Variants in OLFM4 observed in about 807,000 individuals in gnomAD.
OLFM4 encodes the protein olfactomedin-4.
Under a neutral mutation model 25.5 loss-of-function variants are expected in OLFM4, and 22 were observed. The ratio of observed to expected loss-of-function variants is 0.86; its 90% CI spans 0.62 to 1.23. The LOEUF is 1.23. OLFM4 is among the 50% of genes most tolerant of loss of function. The probability of loss-of-function intolerance (pLI) is 0.00; values close to 1 mark genes in which losing one functional copy is unlikely to be tolerated. For synonymous variants in OLFM4, 255 were observed against 237.7 expected (o/e 1.07, Z -0.67); for missense variants, 594 against 619.4 (o/e 0.96, Z 0.44).
At chr13:53,047,510 C>G (rs1412120226) in intron 4 of OLFM4, among the ~76,000 whole-genome samples, 1 of 152,040 alleles carries the variant, frequency 6.6e-6, no homozygotes, top group Non-Finnish European at 1.5e-5. Flanking sequence ...AGCCGGGGCC[C>G]TAAAAATAGC....
intron 4 of OLFM4, among the ~76,000 whole-genome samples, chr13:53,045,215 T>G (rs1954709854): frequency 6.6e-6 from 1 of 152,022 alleles, no homozygotes. Context: ...CCTGTTGGGT[T>G]GTTTTTGTTG....
intron 1 of OLFM4, among the ~76,000 whole-genome samples, chr13:53,029,951 G>A (rs556606729): frequency 9.2e-5 from 14 of 152,024 alleles, no homozygotes; most frequent in Admixed American, 3.9e-4. Context: ...GCCTTTCTGC[G>A]GGAACCCCAC....
intron 2 of OLFM4, among the ~76,000 whole-genome samples, chr13:53,037,007 A>G (rs1316889274): frequency 1.3e-5 from 2 of 152,200 alleles, no homozygotes; most frequent in Non-Finnish European, 1.5e-5. Flanking sequence ...CTTCAAATCC[A>G]AAGTTATCCC....
intron 4 of OLFM4, 31 bp downstream of exon 4, chr13:53,043,295 G>T: frequency 6.4e-7 from 1 of 1,555,816 alleles, no homozygotes; most frequent in Non-Finnish European, 8.7e-7. Flanking sequence ...AACCACTTGT[G>T]CCAGACCCCA....
At chr13:53,049,277 C>T (rs564367042) in intron 4 of OLFM4, among the ~76,000 whole-genome samples, 1 of 152,252 alleles carries the variant, frequency 6.6e-6, no homozygotes, top group Non-Finnish European at 1.5e-5. Flanking sequence ...GGCAATGTTG[C>T]CCCAAAATAA....
At chr13:53,037,167 G>A (rs1954663412) in intron 2 of OLFM4, among the ~76,000 whole-genome samples, 1 of 152,214 alleles carries the variant, frequency 6.6e-6, no homozygotes. Flanking sequence ...TTGATTCATT[G>A]TCTGTCAGTA....
At chr13:53,032,272 G>A (rs956612267) in intron 1 of OLFM4, among the ~76,000 whole-genome samples, 2 of 152,176 alleles carry the variant, frequency 1.3e-5, no homozygotes, top group Non-Finnish European at 2.9e-5. Context: ...GAATTTTTCA[G>A]AGAACTCTGA....
chr13:53,043,377 T>TG, intron 4 of OLFM4, 113 bp downstream of exon 4: 1 of 888,284 alleles, frequency 1.1e-6, no homozygotes, highest in Admixed American at 3.3e-5. Flanking sequence ...GGTTGTTTTT[T>TG]TTTTTTTTTT....
chr13:53,050,834 T>C lies in OLFM4; in HGVS notation c.*63T>C, dbSNP rs1364513702. On this transcript the variant is annotated 3_prime_UTR_variant, in exon 5 of 5. Coordinates refer to ENST00000219022, the MANE Select transcript of OLFM4 (RefSeq NM_006418.5). Reference sequence around the variant, plus strand: ...TGAAAAAATAGTCTTCTCCACTTACTTAGATATCTGCAGGGGTGTCTAAAA... The same window carrying C: ...TGAAAAAATAGTCTTCTCCACTTACCTAGATATCTGCAGGGGTGTCTAAAA... 1.4e-6 allele frequency: 2 copies of C among 1,401,980 alleles called. No individual in the cohort carries two copies. Among genetic ancestry groups the C allele is most frequent in the East Asian group, 4.6e-5 (2 of 43,762 alleles). The allele number at this position is 1,401,980 out of a possible 1,614,324, so 86.8% of individuals were successfully genotyped here.
intron 1 of OLFM4, among the ~76,000 whole-genome samples, chr13:53,030,987 A>T (rs140777947): frequency 1.3e-5 from 2 of 152,352 alleles, no homozygotes; most frequent in East Asian, 3.9e-4. Flanking sequence ...ATGAAGCTCC[A>T]TCACCAGTCA....
intron 2 of OLFM4, among the ~76,000 whole-genome samples, chr13:53,039,372 CAG>C (rs1491346414): frequency 6.6e-6 from 1 of 152,150 alleles, no homozygotes; most frequent in African/African-American, 2.4e-5. Flanking sequence ...GTGCACTTCT[CAG>C]GGGGACTTGT....
chr13:53,041,875 A>G (rs1954688437), intron 2 of OLFM4, 35 bp from the exon 3 acceptor site: 1 of 1,493,808 alleles, frequency 6.7e-7, no homozygotes, highest in Non-Finnish European at 9.3e-7. Flanking sequence ...GATACTACTC[A>G]GGGAATTGGC....
At chr13:53,039,396 T>C (rs1372515419) in intron 2 of OLFM4, among the ~76,000 whole-genome samples, 3 of 152,190 alleles carry the variant, frequency 2.0e-5, no homozygotes, top group East Asian at 3.8e-4. Context: ...AGGTTTTATA[T>C]ATAGTGAGCC....
At chr13:53,032,133 C>CT (rs1477347235) in intron 1 of OLFM4, among the ~76,000 whole-genome samples, 1 of 152,190 alleles carries the variant, frequency 6.6e-6, no homozygotes, top group African/African-American at 2.4e-5. Context: ...GATGGAATGG[C>CT]TGACAGCAGG....
At chr13:53,029,262 G>A (rs1954615437) in intron 1 of OLFM4, among the ~76,000 whole-genome samples, 1 of 152,170 alleles carries the variant, frequency 6.6e-6, no homozygotes, top group African/African-American at 2.4e-5. Context: ...GGACTTTTGG[G>A]AATATCTATG....
Position 53,049,996 on chromosome 13 carries a change from ACAT to A in OLFM4, c.761_763del (p.Ile254del). 1 of 1,609,770 alleles carries A rather than the reference ACAT, an allele frequency of 6.2e-7. No homozygotes were observed. The highest frequency in any genetic ancestry group is 8.5e-7 in the Non-Finnish European group (1 of 1,176,362). On this transcript the variant is annotated inframe_deletion, in exon 5 of 5. Transcript: ENST00000219022. ...AGCTGTGGTCATGGTGGTGTGGTGA[ACAT>A]CAGCAAACCGTCTGTGGTTCAGCTC...
rs775118318 is a variant in OLFM4 at position 53,050,677 on chromosome 13, G to A, written c.1439G>A (p.Ser480Asn). ...VMHKMQEKVQSINYNPFDQKL... is the reference protein window; with the variant it reads ...VMHKMQEKVQNINYNPFDQKL... ...CATAAGATGCAGGAAAAAGTGCAGA[G>A]CATTAACTATAACCCTTTTGACCAG... Residue 480 changes from serine (S) to asparagine (N), a missense_variant, in exon 5 of 5, where the codon AGC becomes AAC. Ser to Asn is a conservative substitution (Grantham distance 46). Transcript: ENST00000219022. 3 of 1,613,878 alleles carry A rather than the reference G, an allele frequency of 1.9e-6. No individual in the cohort carries two copies. Among genetic ancestry groups the A allele is most frequent in the Admixed American group, 1.7e-5 (1 of 60,000 alleles).
At chr13:53,047,006 A>C (rs1954719060) in intron 4 of OLFM4, among the ~76,000 whole-genome samples, 1 of 152,216 alleles carries the variant, frequency 6.6e-6, no homozygotes, top group Admixed American at 6.5e-5. Context: ...CTATCTGCTT[A>C]ACACCAAATT....
chr13:53,050,642 C>G lies in OLFM4; in HGVS notation c.1404C>G (p.Asp468Glu), dbSNP rs747076426. The change falls in exon 5 of 5, where the codon GAC (aspartate) becomes GAG (glutamate). Residue 468 changes from aspartate (D) to glutamate (E), a missense_variant. Transcript: ENST00000219022. ...ACACAGGGAAAGAGGGCAAACTAGA[C>G]ATTGTAATGCATAAGATGCAGGAAA... ...DTNTGKEGKL[D>E]IVMHKMQEKV... 1 of 1,613,920 alleles carries G rather than the reference C, an allele frequency of 6.2e-7. No individual in the cohort carries two copies. Among genetic ancestry groups the G allele is most frequent in the Non-Finnish European group, 8.5e-7 (1 of 1,179,928 alleles).
Sources: allele counts gnomAD v4.1 joint callset (sites outside exome capture counted in the v4.1 genomes callset), GRCh38; gene constraint gnomAD v4.1.1; transcripts MANE v1.5; gene names NCBI Gene and HGNC (gene_info 2026-07-23, HGNC 2026-07-21).